ANKRD27: variants seen among roughly 807,000 people sequenced by gnomAD.
ANKRD27 encodes ankyrin repeat domain-containing protein 27.
ANKRD27 carries 112 observed loss-of-function variants against 129.7 expected under a neutral mutation model. The ratio of observed to expected loss-of-function variants is 0.86; its 90% CI spans 0.74 to 1.01. The LOEUF (loss-of-function observed/expected upper bound fraction) is 1.01. Among genes scored for constraint, ANKRD27 ranks in the 50% least tolerant of loss-of-function variants. The probability of loss-of-function intolerance (pLI) is 0.00; values close to 1 mark genes in which losing one functional copy is unlikely to be tolerated. For synonymous variants in ANKRD27, 516 were observed against 511.2 expected (o/e 1.01, Z -0.13); for missense variants, 1,258 against 1,300.5 (o/e 0.97, Z 0.50).
chr19:32,607,653 G>A lies in ANKRD27; in HGVS notation c.2355C>T (p.Cys785=), dbSNP rs772021731. The part of the protein sequence containing the change: ...ADQAVPLHLA[C]QQGHFQVVKC... ...CCCGAACCTGAAAGTGGCCCTGCTG[G>A]CAGGCCAGGTGGAGCGGGACGGCTT... The change falls in exon 23 of 29, where the codon TGC becomes TGT. Residue 785 remains cysteine, a synonymous_variant. Transcript: ENST00000306065. 1 of 1,611,470 alleles carries A rather than the reference G, an allele frequency of 6.2e-7. No homozygotes were observed. The highest frequency in any genetic ancestry group is 1.1e-5 in the South Asian group (1 of 90,842).
At chr19:32,640,263 A>G (rs772522983) in intron 11 of ANKRD27, 44 bp downstream of exon 11, 4 of 1,543,944 alleles carry the variant, frequency 2.6e-6, no homozygotes, top group Non-Finnish European at 3.6e-6. Flanking sequence ...GTGCCCGGCC[A>G]AGCACTGCCA....
intron 1 of ANKRD27, chr19:32,673,398 G>A (rs1967910393): frequency 1.0e-6 from 1 of 985,224 alleles, no homozygotes; most frequent in African/African-American, 1.7e-5. Context: ...CTGTCCACCA[G>A]CAACACAACA....
intron 2 of ANKRD27, among the ~76,000 whole-genome samples, chr19:32,655,509 G>A (rs1046066295): frequency 6.6e-6 from 1 of 152,196 alleles, no homozygotes; most frequent in Non-Finnish European, 1.5e-5. Context: ...AAAGGAAGGT[G>A]ACAAGGCAGA....
At position 32,607,758 on chromosome 19, in the gene ANKRD27, G is replaced by A. The variant is rs528888081; in HGVS notation, c.2250C>T (p.Val750=). Residue 750 remains valine (V), a synonymous_variant, in exon 23 of 29, where the codon GTC becomes GTT. Coordinates refer to ENST00000306065, the MANE Select transcript of ANKRD27 (RefSeq NM_032139.3). ...GGTCCGCCCGGCCGTGCAGGGCGGC[G>A]ACATGCAGCGGGGAGGAGCCGTCCT... ...TSQDGSSPLH[V]AALHGRADLI... is the part of the protein sequence containing the mutation. The A allele has an allele frequency of 6.1e-5, 98 of 1,612,976 alleles. No individual in the cohort carries two copies. The South Asian group carries it at 8.1e-4, about 13-fold the overall frequency.
At position 32,628,859 on chromosome 19, in the gene ANKRD27, G is replaced by T. The variant is rs776739483; in HGVS notation, c.1210-10C>A. 3 of 1,613,768 alleles carry T rather than the reference G, an allele frequency of 1.9e-6. No homozygotes were observed. Among genetic ancestry groups the T allele is most frequent in the Non-Finnish European group, 2.5e-6 (3 of 1,179,932 alleles). On this transcript the variant is annotated splice_polypyrimidine_tract_variant and intron_variant, in intron 13 of 28. Coordinates refer to ENST00000306065, the MANE Select transcript of ANKRD27 (RefSeq NM_032139.3). ...TACCTGATGCAATGTGCTGAAAAGT[G>T]ACATCCAAGATGCTATCCACATGCT...
At chr19:32,663,705 T>C (rs1373213792) in intron 1 of ANKRD27, among the ~76,000 whole-genome samples, 1 of 152,206 alleles carries the variant, frequency 6.6e-6, no homozygotes, top group Non-Finnish European at 1.5e-5. Flanking sequence ...AATACAATTA[T>C]GTATATATTA....
At chr19:32,602,622 A>C (rs991388633) in intron 25 of ANKRD27, among the ~76,000 whole-genome samples, 1 of 151,958 alleles carries the variant, frequency 6.6e-6, no homozygotes, top group Non-Finnish European at 1.5e-5. Context: ...GCCAGGCGCG[A>C]TGGCTCACGC....
intron 10 of ANKRD27, among the ~76,000 whole-genome samples, chr19:32,641,209 C>A (rs1472566982): frequency 6.7e-6 from 1 of 149,026 alleles, no homozygotes; most frequent in Non-Finnish European, 1.5e-5. Context: ...CCGACCCTGT[C>A]TCTTAAGAAA....
At chr19:32,674,573 C>G (rs548715848) in intron 1 of ANKRD27, among the ~76,000 whole-genome samples, 7 of 12,468 alleles carry the variant, frequency 5.6e-4, no homozygotes, top group African/African-American at 2.0e-3. Flanking sequence ...ATGCAGAGAC[C>G]CCCCCGCCCT....
In ANKRD27 at chr19:32,598,263, C is replaced by A; in HGVS notation, c.3035G>T (p.Gly1012Val). ...CCGCAGCATCCGTCTGTGTCCAGGG[C>A]CAGTCTGTGTCAGTCCAGGCCTCTC... The part of the protein sequence containing the change: ...WPERPGLTQT[G>V]PGHRRMLRRH... Residue 1012 changes from glycine (G) to valine (V), a missense_variant, in exon 29 of 29, where the codon GGC (glycine) becomes GTC (valine). Physicochemically the swap from Gly to Val is moderately radical, Grantham distance 109. Coordinates refer to ENST00000306065, the MANE Select transcript of ANKRD27 (RefSeq NM_032139.3). The A allele has an allele frequency of 6.2e-7, 1 of 1,614,170 alleles. No homozygotes were observed. The highest frequency in any genetic ancestry group is 8.5e-7 in the Non-Finnish European group (1 of 1,180,026).
At position 32,661,407 on chromosome 19, in the gene ANKRD27, C is replaced by T. The variant is rs996478785; in HGVS notation, c.-30-2362G>A. Among the ~76,000 whole-genome samples, 5 of 152,038 alleles carry T rather than the reference C, an allele frequency of 3.3e-5. 2 individuals are homozygous for T. The South Asian group carries it at 1.0e-3, about 31-fold the overall frequency. ...GTCCAATGACATGATCGTAGCTCAC[C>T]GTAACCTTGAACTCCTGGGCTCAAG... On this transcript the variant is annotated intron_variant, in intron 1 of 28. Coordinates refer to ENST00000306065, the MANE Select transcript of ANKRD27 (RefSeq NM_032139.3).
chr19:32,615,708 C>A lies in ANKRD27; in HGVS notation c.2125G>T (p.Glu709Ter). 1 of 1,614,216 alleles carries A rather than the reference C, an allele frequency of 6.2e-7. No individual in the cohort carries two copies. The highest frequency in any genetic ancestry group is 8.5e-7 in the Non-Finnish European group (1 of 1,180,032). The change falls in exon 22 of 29, where the codon GAA becomes TAA. Residue 709 changes from glutamate to a stop codon, truncating the protein, a stop_gained. Transcript: ENST00000306065. LOFTEE classifies it high-confidence loss of function. ...AEDTVSAADP[E>*]FCHPLCQCPK... Reference sequence around the variant, plus strand: ...CACTGGCACAACGGGTGACAGAATTCGGGGTCCGCTGCACTGACAGTGTCC... The same window carrying A: ...CACTGGCACAACGGGTGACAGAATTAGGGGTCCGCTGCACTGACAGTGTCC...
rs1162620848 is a variant in ANKRD27, at chr19:32,602,151, C to CAGT, written c.2656-28_2656-26dup. ...TCTGCAATTTGAAAGGGAAAAGGAA[C>CAGT]AGTAATGTTTTTATTCTTTTTTAAT... On this transcript the variant is annotated intron_variant, in intron 25 of 28. Coordinates refer to ENST00000306065, the MANE Select transcript of ANKRD27 (RefSeq NM_032139.3). 6.5e-6 allele frequency: 9 copies of CAGT among 1,387,680 alleles called. No homozygotes were observed. The East Asian group carries it at 9.1e-5, about 14-fold the overall frequency. The allele number at this position is 1,387,680 out of a possible 1,614,324, so 86.0% of individuals were successfully genotyped here.
At position 32,598,101 on chromosome 19, in the gene ANKRD27, C is replaced by CAAGG. The variant is rs1468246508; in HGVS notation, c.*43_*44insCCTT. On this transcript the variant is annotated 3_prime_UTR_variant, in exon 29 of 29. Coordinates refer to ENST00000306065, the MANE Select transcript of ANKRD27 (RefSeq NM_032139.3). Reference sequence around the variant, plus strand: ...GTTCACGCTCAGCATCATCTTGTTGCATCCTTGCTTCCTAGCAGTGGGTTC... The same window carrying CAAGG: ...GTTCACGCTCAGCATCATCTTGTTGCAAGGATCCTTGCTTCCTAGCAGTGGGTTC... 1 of 1,554,466 alleles carries CAAGG rather than the reference C, an allele frequency of 6.4e-7. No individual in the cohort carries two copies. The highest frequency in any genetic ancestry group is 1.7e-5 in the Admixed American group (1 of 59,766).
At chr19:32,673,820 C>T (rs188976172) in intron 1 of ANKRD27, among the ~76,000 whole-genome samples, 1 of 152,196 alleles carries the variant, frequency 6.6e-6, no homozygotes, top group Admixed American at 6.6e-5. Flanking sequence ...ACCTCAACAC[C>T]AGTCCTCATG....
intron 2 of ANKRD27, among the ~76,000 whole-genome samples, chr19:32,656,049 GA>G (rs1193247781): frequency 8.3e-5 from 3 of 36,206 alleles, no homozygotes; most frequent in African/African-American, 4.0e-4. Context: ...AGAAAAGAAA[GA>G]AAAGAAAGAA....
Position 32,656,122 on chromosome 19 carries a change from GA to G in ANKRD27, c.102+2791del, listed in dbSNP as rs1315031978. On this transcript the variant is annotated intron_variant, in intron 2 of 28. Coordinates refer to ENST00000306065, the MANE Select transcript of ANKRD27 (RefSeq NM_032139.3). ...AAGAAAGAAAGAAAAGAAAAGAAAA[GA>G]AAAGAAAAGAAAAGAAAAAGAAAAG... is the stretch of plus-strand genomic sequence containing the variant. Among the ~76,000 whole-genome samples the G allele has an allele frequency of 8.2e-3, 966 of 117,288 alleles. 9 individuals carry two copies. Among genetic ancestry groups the G allele is most frequent in the African/African-American group, 0.025 (757 of 30,540 alleles). The allele number at this position is 117,288 out of a possible 152,430, so 76.9% of individuals were successfully genotyped here. A position where few individuals can be genotyped will look rare whatever the true frequency, so the allele number is the denominator to read the frequency against.
chr19:32,669,284 CAT>C (rs1159451561), intron 1 of ANKRD27, among the ~76,000 whole-genome samples: 3 of 152,180 alleles, frequency 2.0e-5, no homozygotes, highest in Non-Finnish European at 4.4e-5. Context: ...AAGAGACTAA[CAT>C]AAAAATGGTC....
At chr19:32,627,986 CCCCACCCAGCCCA>C in intron 15 of ANKRD27, 84 bp downstream of exon 15, 1 of 1,140,796 alleles carries the variant, frequency 8.8e-7, no homozygotes, top group Non-Finnish European at 1.3e-6. Flanking sequence ...AACTGCCAAC[CCCCACCCAGCCCA>C]TCAGCCAGGC....
Sources: allele counts gnomAD v4.1 joint callset (sites outside exome capture counted in the v4.1 genomes callset), GRCh38; gene constraint gnomAD v4.1.1; transcripts MANE v1.5; gene names NCBI Gene and HGNC (gene_info 2026-07-23, HGNC 2026-07-21).